PIP5KL1: variants seen among roughly 807,000 people sequenced by gnomAD.
PIP5KL1 encodes the protein phosphatidylinositol-4-phosphate 5-kinase like 1, also known as phosphatidylinositol 4-phosphate 5-kinase-like protein 1.
Under a neutral mutation model 47.6 loss-of-function variants are expected in PIP5KL1, and 45 were observed. The ratio of observed to expected loss-of-function variants is 0.94; its 90% confidence interval spans 0.74 to 1.21. The LOEUF (loss-of-function observed/expected upper bound fraction) is 1.21, where lower values mean the gene tolerates loss of function less well. PIP5KL1 is among the 50% of genes most tolerant of loss of function. The probability of loss-of-function intolerance (pLI) is 0.00; values close to 1 mark genes in which losing one functional copy is unlikely to be tolerated. For synonymous variants in PIP5KL1, 256 were observed against 234.6 expected, an observed-to-expected ratio of 1.09 and a Z score of -0.84; for missense variants, 577 against 547.6, an observed-to-expected ratio of 1.05 and a Z score of -0.54.
chr9:127,925,061 T>C (rs761326212), intron 9 of PIP5KL1, 46 bp downstream of exon 9: 1 of 1,606,330 alleles, frequency 6.2e-7, no homozygotes, highest in East Asian at 2.2e-5. Context: ...GTCTTTCCCT[T>C]ACTCTCACCA....
rs776378014 is a variant in PIP5KL1, at chr9:127,928,530, T to G, written c.229-47A>C. On this transcript the variant is annotated intron_variant, in intron 2 of 9. Transcript: ENST00000388747. Reference sequence around the variant, plus strand: ...CTCAGGGCAACCCTCAGTCCCCTGCTGCCTGCCCCAGGATCTCCAGATGTC... The same window carrying G: ...CTCAGGGCAACCCTCAGTCCCCTGCGGCCTGCCCCAGGATCTCCAGATGTC... 2.0e-6 allele frequency: 3 copies of G among 1,503,338 alleles called. No homozygotes were observed. In the Admixed American group the frequency reaches 6.7e-5, roughly 33 times the overall value. 93.1% of individuals were successfully genotyped at this position (1,503,338 alleles called of 1,614,324 possible). A position where few individuals can be genotyped will look rare whatever the true frequency, so the allele number is the denominator to read the frequency against.
chr9:127,924,675 A>T (rs2131636748), intron 9 of PIP5KL1, among the ~76,000 whole-genome samples: 1 of 151,294 alleles, frequency 6.6e-6, no homozygotes, highest in East Asian at 1.9e-4. Flanking sequence ...AAAAAAAAGC[A>T]AAAATGTTAA....
Position 127,921,728 on chromosome 9 carries a change from G to C in PIP5KL1, c.*119C>G. On this transcript the variant is annotated 3_prime_UTR_variant, in exon 10 of 10. Transcript: ENST00000388747. ...CTGCGCGGTTACGGTATTAGTTAGGGGATGCTGCCCTCTGGCGACCATCAG... is the reference window on the plus strand; with the variant it reads ...CTGCGCGGTTACGGTATTAGTTAGGCGATGCTGCCCTCTGGCGACCATCAG... 7.4e-7 allele frequency: 1 copy of C among 1,351,910 alleles called. No individual in the cohort carries two copies. The highest frequency in any genetic ancestry group is 9.8e-7 in the Non-Finnish European group (1 of 1,016,624). The allele number at this position is 1,351,910 out of a possible 1,614,324, so 83.7% of individuals were successfully genotyped here.
At position 127,928,102 on chromosome 9, in the gene PIP5KL1, G is replaced by A. The variant is rs549841472; in HGVS notation, c.397C>T (p.Leu133Phe). ...LGPGGPYLQF[L>F]STSKSKASFF... ...CTGGCCTTGCTCTTGGAGGTGCTGAGGAACTGCAGGTAGGGGCCGCCGGGG... is the reference window on the plus strand; with the variant it reads ...CTGGCCTTGCTCTTGGAGGTGCTGAAGAACTGCAGGTAGGGGCCGCCGGGG... Residue 133 changes from leucine to phenylalanine, a missense_variant, in exon 4 of 10, where the codon CTC becomes TTC. By Grantham distance (22) the Leu-to-Phe change is conservative. Coordinates refer to ENST00000388747, the MANE Select transcript of PIP5KL1 (RefSeq NM_001135219.2). The A allele has an allele frequency of 3.8e-6, 6 of 1,573,390 alleles. No homozygotes were observed. The South Asian group carries it at 5.9e-5, about 15-fold the overall frequency.
Position 127,927,138 on chromosome 9 carries a change from G to C in PIP5KL1, c.650+15C>G, listed in dbSNP as rs1400693020. On this transcript the variant is annotated intron_variant, in intron 7 of 9. Transcript: ENST00000388747. This position sits in a 1 kb window ranked among gnomAD's most constrained non-coding sequence, Gnocchi z 5.5. ...TCGGCTGGGATGGGGGCCCAAACCT[G>C]CTTAGGCCACTCACCTCTCGGAGAT... is the stretch of plus-strand genomic sequence containing the variant. 3 of 1,605,418 alleles carry C rather than the reference G, an allele frequency of 1.9e-6. No individual in the cohort carries two copies. The highest frequency in any genetic ancestry group is 2.6e-6 in the Non-Finnish European group (3 of 1,174,728).
At chr9:127,926,086 TC>T in intron 7 of PIP5KL1, 107 bp from the exon 8 acceptor site, 1 of 678,210 alleles carries the variant, frequency 1.5e-6, no homozygotes. Flanking sequence ...ACAGAGATCA[TC>T]CCCAGTCCTC....
chr9:127,924,015 T>C (rs984023089), intron 9 of PIP5KL1, among the ~76,000 whole-genome samples: 3 of 152,226 alleles, frequency 2.0e-5, no homozygotes. Context: ...GTGCCAATGA[T>C]GATGACGTCA....
chr9:127,930,288 C>T (rs76064282), intron 1 of PIP5KL1, among the ~76,000 whole-genome samples: 4,603 of 152,266 alleles, frequency 0.03, 104 homozygotes, highest in South Asian at 0.068. Context: ...GCTCCTTGCA[C>T]GGGAGCCCTT....
intron 1 of PIP5KL1, 127 bp downstream of exon 1, chr9:127,930,596 G>A: frequency 8.2e-7 from 1 of 1,215,668 alleles, no homozygotes; most frequent in Non-Finnish European, 1.1e-6. Flanking sequence ...GCGTGTCCTG[G>A]TCTTCGCCGG....
At chr9:127,923,605 G>A (rs1388040982) in intron 9 of PIP5KL1, among the ~76,000 whole-genome samples, 2 of 152,224 alleles carry the variant, frequency 1.3e-5, no homozygotes, top group Non-Finnish European at 2.9e-5. Flanking sequence ...CGGTCAGGAC[G>A]TGTCCAGCCC....
At position 127,927,337 on chromosome 9, in the gene PIP5KL1, A is replaced by T; in HGVS notation, c.560-6T>A. 6.2e-7 allele frequency: 1 copy of T among 1,606,874 alleles called. No individual in the cohort carries two copies. ...CACCCGCAGACTGTGCACTCCTGGA[A>T]GGGGAGAGGGCGCCGGATGAGGATC... On this transcript the variant is annotated splice_region_variant and splice_polypyrimidine_tract_variant and intron_variant, in intron 5 of 9. Transcript: ENST00000388747. This position sits in a 1 kb window ranked among gnomAD's most constrained non-coding sequence, Gnocchi z 5.5.
At chr9:127,928,747 C>G (rs1831398469) in intron 2 of PIP5KL1, 1 of 540,544 alleles carries the variant, frequency 1.8e-6, no homozygotes, top group Non-Finnish European at 3.3e-6. Flanking sequence ...GCCATGAGTT[C>G]AAGCCAGGCA....
rs1831423612 is a variant in PIP5KL1, at chr9:127,930,737, G to A, written c.16C>T (p.Pro6Ser). 2 of 1,565,300 alleles carry A rather than the reference G, an allele frequency of 1.3e-6. No homozygotes were observed. The highest frequency in any genetic ancestry group is 3.6e-5 in the Admixed American group (2 of 55,736). The part of the protein sequence containing the change: MAAPS[P>S]GPREVLAPSP... ...TCCGCACCTACCTCGCGGGGCCCCG[G>A]GCTCGGCGCAGCCATCGCCCCCGCA... The change falls in exon 1 of 10, where the codon CCG becomes TCG. Residue 6 changes from proline (P) to serine (S), a missense_variant. Pro to Ser is a moderately conservative substitution (Grantham distance 74). Coordinates refer to ENST00000388747, the MANE Select transcript of PIP5KL1 (RefSeq NM_001135219.2).
Position 127,921,704 on chromosome 9 carries a change from T to C in PIP5KL1, c.*143A>G. On this transcript the variant is annotated 3_prime_UTR_variant, in exon 10 of 10. Transcript: ENST00000388747. Reference sequence around the variant, plus strand: ...GCACGGCACCACCGTCAAACGGGACTGCGCGGTTACGGTATTAGTTAGGGG... The same window carrying C: ...GCACGGCACCACCGTCAAACGGGACCGCGCGGTTACGGTATTAGTTAGGGG... 4 of 1,185,546 alleles carry C rather than the reference T, an allele frequency of 3.4e-6. No homozygotes were observed. Among genetic ancestry groups the C allele is most frequent in the Non-Finnish European group, 4.6e-6 (4 of 871,546 alleles). 73.4% of individuals were successfully genotyped at this position (1,185,546 alleles called of 1,614,324 possible). A position where few individuals can be genotyped will look rare whatever the true frequency, so the allele number is the denominator to read the frequency against.
chr9:127,928,295 G>C (rs1271430714), intron 3 of PIP5KL1, 76 bp from the exon 4 acceptor site: 1 of 1,537,774 alleles, frequency 6.5e-7, no homozygotes, highest in South Asian at 1.2e-5. Context: ...GGACAGGAGG[G>C]TCAGGGTGAC....
In PIP5KL1 at chr9:127,925,992, A is replaced by T. The variant is rs1831356484; in HGVS notation, c.651-13T>A. 6.3e-7 allele frequency: 1 copy of T among 1,591,046 alleles called. No homozygotes were observed. The highest frequency in any genetic ancestry group is 1.3e-5 in the African/African-American group (1 of 74,328). On this transcript the variant is annotated splice_polypyrimidine_tract_variant and intron_variant, in intron 7 of 9. Coordinates refer to ENST00000388747, the MANE Select transcript of PIP5KL1 (RefSeq NM_001135219.2). ...TTTGATGTCATACCTGGGTGGGGGG[A>T]CAGAATTCAGCTTTACATAGATTTG...
intron 2 of PIP5KL1, chr9:127,928,809 A>G: frequency 2.6e-6 from 1 of 389,380 alleles, no homozygotes; most frequent in Non-Finnish European, 4.7e-6. Flanking sequence ...GTCCAGTACA[A>G]GGGGGTGGCC....
intron 7 of PIP5KL1, among the ~76,000 whole-genome samples, chr9:127,926,543 C>T (rs1831365171): frequency 6.6e-6 from 1 of 152,248 alleles, no homozygotes; most frequent in Non-Finnish European, 1.5e-5. Context: ...AAGCGTGACG[C>T]ACCATGCCCG....
Position 127,925,204 on chromosome 9 carries a change from C to T in PIP5KL1, c.820G>A (p.Glu274Lys). 6.2e-7 allele frequency: 1 copy of T among 1,614,054 alleles called. No individual in the cohort carries two copies. Among genetic ancestry groups the T allele is most frequent in the Non-Finnish European group, 8.5e-7 (1 of 1,180,050 alleles). ...AGGCTGTAATCCAGCACGTTGAGCT[C>T]CCGGAGGAAGGTGGTATCCAGTTCC... ...QMELDTTFLR[E>K]LNVLDYSLLI... Residue 274 changes from glutamate to lysine, a missense_variant, in exon 9 of 10, where the codon GAG (glutamate) becomes AAG (lysine). By Grantham distance (56) the Glu-to-Lys change is moderately conservative. Coordinates refer to ENST00000388747, the MANE Select transcript of PIP5KL1 (RefSeq NM_001135219.2).
Sources: allele counts gnomAD v4.1 joint callset (sites outside exome capture counted in the v4.1 genomes callset), GRCh38; gene constraint gnomAD v4.1.1; non-coding constraint Gnocchi (gnomAD v3.1); transcripts MANE v1.5; gene names NCBI Gene and HGNC (gene_info 2026-07-23, HGNC 2026-07-21).